PTPRD: variants seen among roughly 807,000 people sequenced by gnomAD.
The protein encoded by PTPRD is protein tyrosine phosphatase receptor type D.
PTPRD carries 34 observed loss-of-function variants against 214.5 expected under a neutral mutation model. The observed-to-expected ratio is 0.16, with a 90% CI of 0.12 to 0.21. The LOEUF is 0.21. Among genes scored for constraint, PTPRD ranks in the 10% least tolerant of loss-of-function variants. The pLI is 1.00. For missense variants in PTPRD, 2,545 were observed against 2,398.7 expected (o/e 1.06, Z -1.27); for synonymous variants, 1,128 against 845.7 (o/e 1.33, Z -5.79).
Position 8,412,683 on chromosome 9 carries a change from A to G in PTPRD, c.4087-8023T>C, listed in dbSNP as rs1266860221. On this transcript the variant is annotated intron_variant, in intron 35 of 45. Coordinates refer to ENST00000381196, the MANE Select transcript of PTPRD (RefSeq NM_002839.4). ...AGAAGACTATCTTAGCCTCCAAGGA[A>G]TATCTGCATTCTCCTTGATGCTAAC... Among the ~76,000 whole-genome samples the G allele has an allele frequency of 2.6e-5, 4 of 152,206 alleles. No homozygotes were observed. In the South Asian group the frequency reaches 6.2e-4, roughly 24 times the overall value.
At position 10,593,618 on chromosome 9, in the gene PTPRD, T is replaced by C. The variant is rs1045952433; in HGVS notation, c.-600+18780A>G. Among the ~76,000 whole-genome samples the C allele has an allele frequency of 2.0e-5, 3 of 152,000 alleles. No homozygotes were observed. The South Asian group carries it at 6.2e-4, about 31-fold the overall frequency. ...ATGTCTATATTTATTTAAGGCTATA[T>C]CATGAATAGTCCTGTTTTAATATAT... On this transcript the variant is annotated intron_variant, in intron 2 of 45. Transcript: ENST00000381196.
At chr9:9,820,106 C>T (rs1303716919) in intron 5 of PTPRD, among the ~76,000 whole-genome samples, 1 of 152,160 alleles carries the variant, frequency 6.6e-6, no homozygotes, top group Admixed American at 6.5e-5. Flanking sequence ...TTCTTACCAA[C>T]AGTGTATAAG....
chr9:9,424,947 C>T (rs990992302), intron 8 of PTPRD, among the ~76,000 whole-genome samples: 3 of 152,138 alleles, frequency 2.0e-5, no homozygotes, highest in Non-Finnish European at 4.4e-5. Context: ...TTATTTTTAC[C>T]TACTACTTAA....
chr9:8,340,711 T>C (rs1032821972), intron 41 of PTPRD, among the ~76,000 whole-genome samples: 2 of 152,112 alleles, frequency 1.3e-5, no homozygotes, highest in African/African-American at 4.8e-5. Flanking sequence ...ATTTGAATTT[T>C]AGCGCAATGC....
intron 8 of PTPRD, among the ~76,000 whole-genome samples, chr9:9,487,765 T>C (rs2147464378): frequency 6.6e-6 from 1 of 152,276 alleles, no homozygotes; most frequent in South Asian, 2.1e-4. Context: ...CTTTACAATA[T>C]ATACACTTAG....
intron 8 of PTPRD, among the ~76,000 whole-genome samples, chr9:9,556,933 A>T (rs1216662693): frequency 1.3e-5 from 2 of 152,144 alleles, no homozygotes; most frequent in African/African-American, 4.8e-5. Context: ...GAAAAGAGTA[A>T]AGATTTCAAC....
chr9:8,887,855 T>C (rs1241591892), intron 11 of PTPRD, among the ~76,000 whole-genome samples: 1 of 152,336 alleles, frequency 6.6e-6, no homozygotes, highest in South Asian at 2.1e-4. Context: ...CTTTCAGCAA[T>C]GTATGCAAAC....
rs1363547668 is a variant in PTPRD, at chr9:10,302,625, TAAAAC to T, written c.-545+38333_-545+38337del. ...CACGGGTTACAATCGTAGTCTCTGA[TAAAAC>T]AGACTTTAAAACAACAAAGATCAAA... On this transcript the variant is annotated intron_variant, in intron 3 of 45. Transcript: ENST00000381196. Among the ~76,000 whole-genome samples the T allele has an allele frequency of 3.9e-5, 6 of 152,228 alleles. No individual in the cohort carries two copies. The South Asian group carries it at 8.3e-4, about 21-fold the overall frequency.
intron 3 of PTPRD, among the ~76,000 whole-genome samples, chr9:10,128,962 A>G (rs1001306172): frequency 3.3e-5 from 5 of 152,196 alleles, no homozygotes; most frequent in Non-Finnish European, 5.9e-5. Context: ...TCAACATAAA[A>G]TAACTGTAGT....
chr9:8,651,164 G>C (rs948316111), intron 12 of PTPRD, among the ~76,000 whole-genome samples: 2 of 152,158 alleles, frequency 1.3e-5, no homozygotes, highest in Admixed American at 6.5e-5. Context: ...ATATATGCAA[G>C]ATGATTATGA....
intron 11 of PTPRD, among the ~76,000 whole-genome samples, chr9:8,816,473 C>G (rs2096920456): frequency 1.3e-5 from 2 of 152,140 alleles, no homozygotes; most frequent in Non-Finnish European, 2.9e-5. Context: ...GGATGGCAAG[C>G]TAGCAGTATC....
chr9:8,783,053 G>A (rs1178655361), intron 11 of PTPRD, among the ~76,000 whole-genome samples: 1 of 152,106 alleles, frequency 6.6e-6, no homozygotes, highest in Non-Finnish European at 1.5e-5. Context: ...CTCAATTTCA[G>A]TTTTAAATTC....
At chr9:9,250,178 T>C (rs1007475745) in intron 9 of PTPRD, among the ~76,000 whole-genome samples, 3 of 152,072 alleles carry the variant, frequency 2.0e-5, no homozygotes, top group African/African-American at 7.2e-5. Flanking sequence ...ATCCTTACAC[T>C]TATAGAAGCT....
chr9:9,285,405 A>T (rs545044970), intron 9 of PTPRD, among the ~76,000 whole-genome samples: 20 of 151,584 alleles, frequency 1.3e-4, no homozygotes, highest in South Asian at 4.2e-4. Flanking sequence ...CTATTCTAAA[A>T]TTTTTTTTCT....
chr9:9,981,041 A>C (rs943792866), intron 4 of PTPRD, among the ~76,000 whole-genome samples: 4 of 137,254 alleles, frequency 2.9e-5, no homozygotes, highest in African/African-American at 1.1e-4. Flanking sequence ...TCCAAGATCT[A>C]TTTCCTAACA....
chr9:9,959,581 C>A (rs773463244), intron 4 of PTPRD, among the ~76,000 whole-genome samples: 33 of 152,106 alleles, frequency 2.2e-4, no homozygotes, highest in Non-Finnish European at 3.7e-4. Context: ...ATATGAAAAA[C>A]CTCACTGAAG....
intron 6 of PTPRD, among the ~76,000 whole-genome samples, chr9:9,763,114 C>G (rs949904870): frequency 1.3e-5 from 2 of 152,170 alleles, no homozygotes; most frequent in Admixed American, 6.5e-5. Context: ...TATGACCTCA[C>G]TTAACCTTAA....
chr9:8,757,519 T>G (rs1429789624), intron 11 of PTPRD, among the ~76,000 whole-genome samples: 3 of 151,732 alleles, frequency 2.0e-5, no homozygotes, highest in Non-Finnish European at 4.4e-5. Flanking sequence ...TGGGAGACCT[T>G]CAACACCGGC....
intron 3 of PTPRD, among the ~76,000 whole-genome samples, chr9:10,046,415 A>G (rs561601272): frequency 4.9e-4 from 75 of 152,000 alleles, no homozygotes; most frequent in African/African-American, 1.7e-3. Context: ...TCAGGGATTT[A>G]GAAAAATATG....
Sources: gnomAD v4.1 joint callset for allele counts (sites outside exome capture counted in the v4.1 genomes callset) on GRCh38, gnomAD v4.1.1 for gene constraint, MANE v1.5 for transcripts, NCBI Gene and HGNC (gene_info 2026-07-23, HGNC 2026-07-21) for gene names.